The following EDIL3 variants were observed in gnomAD, a reference collection of about 807,000 sequenced individuals.
The protein encoded by EDIL3 is EGF like and discoidin domains 3.
Under a neutral mutation model 67.4 loss-of-function variants are expected in EDIL3, and 37 were observed. The observed-to-expected ratio is 0.55, with a 90% CI of 0.42 to 0.72. The LOEUF (loss-of-function observed/expected upper bound fraction) is 0.72. Among genes scored for constraint, EDIL3 ranks in the 30% least tolerant of loss-of-function variants. The pLI is 0.00. For missense variants in EDIL3, 527 were observed against 586.3 expected (o/e 0.90, Z 1.04); for synonymous variants, 195 against 196.3 (o/e 0.99, Z 0.05).
chr5:84,057,873 G>T (rs1342973758), intron 9 of EDIL3, among the ~76,000 whole-genome samples: 1 of 152,054 alleles, frequency 6.6e-6, no homozygotes, highest in Non-Finnish European at 1.5e-5. Context: ...AGAAAGTCAG[G>T]ACAGGCATGG....
In EDIL3 at chr5:84,173,518, T is replaced by C. The variant is rs538400023; in HGVS notation, c.355+6875A>G. Among the ~76,000 whole-genome samples, 10 of 151,464 alleles carry C rather than the reference T, an allele frequency of 6.6e-5. 1 individual carries two copies. In the South Asian group the frequency reaches 1.7e-3, roughly 25 times the overall value. ...CCTGGAAGACAGCAGCGCACCACAA[T>C]ATGGGACGACCCCACTGTAGAATTG... On this transcript the variant is annotated intron_variant, in intron 4 of 10. Coordinates refer to ENST00000296591, the MANE Select transcript of EDIL3 (RefSeq NM_005711.5).
intron 1 of EDIL3, among the ~76,000 whole-genome samples, chr5:84,382,455 A>G (rs1469369513): frequency 6.6e-6 from 1 of 151,976 alleles, no homozygotes; most frequent in Non-Finnish European, 1.5e-5. Flanking sequence ...GGCTAGACGC[A>G]CTATCTTCTC....
chr5:84,157,625 G>C (rs1748517174), intron 4 of EDIL3, among the ~76,000 whole-genome samples: 1 of 151,836 alleles, frequency 6.6e-6, no homozygotes, highest in African/African-American at 2.4e-5. Context: ...TCAATTTCTT[G>C]GACCATTTCC....
At chr5:84,074,317 G>A (rs954360572) in intron 6 of EDIL3, among the ~76,000 whole-genome samples, 84 of 151,442 alleles carry the variant, frequency 5.5e-4, no homozygotes, top group Non-Finnish European at 1.1e-3. Flanking sequence ...AACACCAAAA[G>A]CAATGGCAAC....
chr5:84,162,050 G>A (rs1561449915), intron 4 of EDIL3, among the ~76,000 whole-genome samples: 1 of 152,156 alleles, frequency 6.6e-6, no homozygotes, highest in East Asian at 1.9e-4. Flanking sequence ...GATATTCCAT[G>A]GCATGTCACT....
intron 6 of EDIL3, among the ~76,000 whole-genome samples, chr5:84,094,593 T>C (rs1016787145): frequency 5.3e-5 from 8 of 152,162 alleles, no homozygotes; most frequent in Admixed American, 2.6e-4. Context: ...TGTCTATAAA[T>C]ATCAAAAACG....
chr5:84,254,192 G>A lies in EDIL3; in HGVS notation c.88C>T (p.Pro30Ser). Residue 30 changes from proline (P) to serine (S), a missense_variant, in exon 2 of 11, where the codon CCA (proline) becomes TCA (serine). Transcript: ENST00000296591. ...FGKGDICDPN[P>S]CENGGICLPG... ...AAACAGATACCTCCATTTTCACATG[G>A]ATTGGGATCACAAATATCACCTAAG... 3 of 1,611,494 alleles carry A rather than the reference G, an allele frequency of 1.9e-6. No homozygotes were observed.
At chr5:83,996,052 C>T (rs1433097222) in intron 9 of EDIL3, among the ~76,000 whole-genome samples, 3 of 152,062 alleles carry the variant, frequency 2.0e-5, no homozygotes. Flanking sequence ...CCTGGTAAAT[C>T]GGAAGACATT....
chr5:84,096,166 C>G (rs1282406689), intron 6 of EDIL3, among the ~76,000 whole-genome samples: 1 of 152,172 alleles, frequency 6.6e-6, no homozygotes, highest in Non-Finnish European at 1.5e-5. Flanking sequence ...AGAGCCCCCA[C>G]ACAGAGTCCC....
intron 6 of EDIL3, among the ~76,000 whole-genome samples, chr5:84,070,608 T>A (rs1288211636): frequency 1.6e-5 from 1 of 61,094 alleles, no homozygotes. Context: ...TGGTTAAGAG[T>A]GTGTGTGTGT....
intron 9 of EDIL3, among the ~76,000 whole-genome samples, chr5:84,020,917 A>G (rs1355185714): frequency 6.6e-6 from 1 of 152,082 alleles, no homozygotes; most frequent in East Asian, 1.9e-4. Flanking sequence ...AGTTATATGC[A>G]TCTTTCAAAA....
At chr5:84,370,841 A>C (rs956038315) in intron 1 of EDIL3, among the ~76,000 whole-genome samples, 5 of 152,300 alleles carry the variant, frequency 3.3e-5, no homozygotes, top group African/African-American at 1.2e-4. Context: ...ACAATTTATT[A>C]AATAACTTAA....
At chr5:84,067,151 C>T (rs570782314) in intron 6 of EDIL3, among the ~76,000 whole-genome samples, 1 of 152,256 alleles carries the variant, frequency 6.6e-6, no homozygotes, top group South Asian at 2.1e-4. Flanking sequence ...GATCTTTACA[C>T]TGTAGTCTGT....
intron 5 of EDIL3, among the ~76,000 whole-genome samples, chr5:84,111,578 T>C (rs1354560635): frequency 2.0e-5 from 3 of 152,212 alleles, no homozygotes; most frequent in Non-Finnish European, 2.9e-5. Context: ...AAAAGGTCTA[T>C]GCTCTTAAAA....
intron 9 of EDIL3, among the ~76,000 whole-genome samples, chr5:84,008,545 A>G (rs149331870): frequency 6.6e-6 from 1 of 152,304 alleles, no homozygotes; most frequent in African/African-American, 2.4e-5. Flanking sequence ...TTTGATGGGC[A>G]GAGGAAAAAC....
At chr5:83,954,684 G>T (rs1408317710) in intron 10 of EDIL3, among the ~76,000 whole-genome samples, 1 of 151,520 alleles carries the variant, frequency 6.6e-6, no homozygotes, top group African/African-American at 2.4e-5. Context: ...TTCCTTAATC[G>T]TAACACAAAA....
At chr5:84,055,943 A>T (rs1746437968) in intron 9 of EDIL3, among the ~76,000 whole-genome samples, 1 of 152,230 alleles carries the variant, frequency 6.6e-6, no homozygotes, top group Admixed American at 6.5e-5. Context: ...CATTTGACCC[A>T]GCCATCCCAT....
chr5:84,297,810 A>G (rs979358079), intron 1 of EDIL3, among the ~76,000 whole-genome samples: 12 of 152,100 alleles, frequency 7.9e-5, no homozygotes, highest in African/African-American at 2.9e-4. Flanking sequence ...GGTTCTTTTA[A>G]CTCAAGATAC....
chr5:84,287,815 C>T (rs1745838304), intron 1 of EDIL3, among the ~76,000 whole-genome samples: 1 of 152,002 alleles, frequency 6.6e-6, no homozygotes, highest in Non-Finnish European at 1.5e-5. Flanking sequence ...TTCCCTCCTC[C>T]TTCTCTAGCC....
Sources: gnomAD v4.1 joint callset for allele counts (sites outside exome capture counted in the v4.1 genomes callset) on GRCh38, gnomAD v4.1.1 for gene constraint, MANE v1.5 for transcripts, NCBI Gene and HGNC (gene_info 2026-07-23, HGNC 2026-07-21) for gene names.